The following JADE1 variants were observed in gnomAD, a reference collection of about 807,000 sequenced individuals.
The protein encoded by JADE1 is protein Jade-1.
Under a neutral mutation model 81.8 loss-of-function variants are expected in JADE1, and 14 were observed. That is an observed-to-expected ratio of 0.17 (90% CI 0.11 to 0.27). The LOEUF is 0.27. Among genes scored for constraint, JADE1 ranks in the 10% least tolerant of loss-of-function variants. JADE1 has a pLI of 1.00. For missense variants in JADE1, 690 were observed against 1,047.9 expected (o/e 0.66, Z 4.71); for synonymous variants, 353 against 391.9 (o/e 0.90, Z 1.17).
chr4:128,846,158 G>A lies in JADE1; in HGVS notation c.139-217G>A, dbSNP rs942079269. On this transcript the variant is annotated intron_variant, in intron 3 of 10. Coordinates refer to ENST00000226319, the MANE Select transcript of JADE1 (RefSeq NM_199320.4). The surrounding 1 kb of genome is among the most constrained non-coding windows in gnomAD (Gnocchi z 4.0). ...GTTGTTGTGGACACTATGGACTGAG[G>A]GAGTGAGAGGGCAGTGTTCCCTCAG... Among the ~76,000 whole-genome samples the A allele has an allele frequency of 1.2e-4, 19 of 152,044 alleles. No individual in the cohort carries two copies. The highest frequency in any genetic ancestry group is 2.8e-4 in the Non-Finnish European group (19 of 68,002).
chr4:128,822,826 A>G (rs1727708569), intron 1 of JADE1, among the ~76,000 whole-genome samples: 1 of 152,238 alleles, frequency 6.6e-6, no homozygotes, highest in Admixed American at 6.5e-5. Flanking sequence ...AGAGATGACC[A>G]CTATGAACAT....
chr4:128,818,166 G>C (rs1727215081), intron 1 of JADE1, among the ~76,000 whole-genome samples: 1 of 151,884 alleles, frequency 6.6e-6, no homozygotes, highest in Non-Finnish European at 1.5e-5. Context: ...TGTTATGCAG[G>C]ATGGAGTGCA....
At position 128,871,814 on chromosome 4, in the gene JADE1, A is replaced by G; in HGVS notation, c.2081A>G (p.His694Arg). 1 of 1,614,176 alleles carries G rather than the reference A, an allele frequency of 6.2e-7. No individual in the cohort carries two copies. Among genetic ancestry groups the G allele is most frequent in the Non-Finnish European group, 8.5e-7 (1 of 1,180,004 alleles). ...AGGTCCACAGATGTGTCCCAGAGGC[A>G]TCTGGACAACACAAGAGCTGCCACC... is the stretch of plus-strand genomic sequence containing the variant. ...PLRSTDVSQR[H>R]LDNTRAATSP... Residue 694 changes from histidine (H) to arginine (R), a missense_variant, in exon 11 of 11, where the codon CAT (histidine) becomes CGT (arginine). Physicochemically the swap from His to Arg is conservative, Grantham distance 29 (BLOSUM62 0). Coordinates refer to ENST00000226319, the MANE Select transcript of JADE1 (RefSeq NM_199320.4). This position sits in a 1 kb window ranked among gnomAD's most constrained non-coding sequence, Gnocchi z 4.1.
intron 1 of JADE1, among the ~76,000 whole-genome samples, chr4:128,814,638 T>G (rs1389281623): frequency 6.7e-6 from 1 of 150,322 alleles, no homozygotes; most frequent in Non-Finnish European, 1.5e-5. Context: ...GGGATCTCAC[T>G]GCAACCTATG....
chr4:128,865,198 A>G (rs144450322), intron 9 of JADE1, among the ~76,000 whole-genome samples: 118 of 152,286 alleles, frequency 7.7e-4, no homozygotes, highest in African/African-American at 2.5e-3. Flanking sequence ...TAGTGCTGCA[A>G]ACAGTTTTGG....
intron 1 of JADE1, among the ~76,000 whole-genome samples, chr4:128,814,285 T>G (rs571609770): frequency 1.3e-5 from 2 of 152,248 alleles, no homozygotes; most frequent in East Asian, 3.9e-4. Context: ...AAAACAAACT[T>G]GGAGGACTAG....
chr4:128,812,281 T>C (rs1726506356), intron 1 of JADE1, among the ~76,000 whole-genome samples: 2 of 151,368 alleles, frequency 1.3e-5, no homozygotes, highest in Non-Finnish European at 3.0e-5. Flanking sequence ...TCCCGCGCTG[T>C]TGTTTCTGTC....
At chr4:128,814,950 C>G (rs1281347348) in intron 1 of JADE1, among the ~76,000 whole-genome samples, 1 of 152,074 alleles carries the variant, frequency 6.6e-6, no homozygotes, top group East Asian at 1.9e-4. Flanking sequence ...CCCATTTAGC[C>G]CCAGACTGTA....
intron 2 of JADE1, among the ~76,000 whole-genome samples, chr4:128,834,927 C>T (rs964298396): frequency 2.0e-5 from 3 of 151,780 alleles, no homozygotes; most frequent in Non-Finnish European, 2.9e-5. Context: ...GGGAGGATTG[C>T]TTGAGCCCAG....
intron 8 of JADE1, among the ~76,000 whole-genome samples, chr4:128,857,763 A>G (rs1205806347): frequency 6.6e-6 from 1 of 152,108 alleles, no homozygotes; most frequent in South Asian, 2.1e-4. Flanking sequence ...ACTTCTTTCC[A>G]TAGGCCAACA....
intron 1 of JADE1, among the ~76,000 whole-genome samples, chr4:128,821,129 A>G (rs1204159873): frequency 2.0e-5 from 3 of 152,256 alleles, no homozygotes; most frequent in African/African-American, 7.2e-5. Flanking sequence ...CCCCCAAGGC[A>G]GAATGGAACA....
chr4:128,850,690 GC>G (rs912692919), intron 5 of JADE1, among the ~76,000 whole-genome samples: 1 of 152,182 alleles, frequency 6.6e-6, no homozygotes, highest in African/African-American at 2.4e-5. Flanking sequence ...TACAGTTTCT[GC>G]TGTGTTGTAA....
At chr4:128,834,298 C>T (rs1465702982) in intron 2 of JADE1, among the ~76,000 whole-genome samples, 1 of 152,192 alleles carries the variant, frequency 6.6e-6, no homozygotes, top group African/African-American at 2.4e-5. Flanking sequence ...TGGACTTCTT[C>T]TCACGTGTTC....
chr4:128,849,098 T>A lies in JADE1; in HGVS notation c.415T>A (p.Cys139Ser), dbSNP rs1322917310. Residue 139 changes from cysteine to serine, a missense_variant, in exon 5 of 11, where the codon TGT becomes AGT. Physicochemically the swap from Cys to Ser is moderately radical, Grantham distance 112. This residue lies in a region of JADE1 where 98 missense variants were observed against 161.3 expected (regional missense o/e 0.61). Transcript: ENST00000226319. ...CATCCGGACGCTGGCTGACAGCGTGTGTCGCTATGACCTCAATGACATGGA... is the reference window on the plus strand; with the variant it reads ...CATCCGGACGCTGGCTGACAGCGTGAGTCGCTATGACCTCAATGACATGGA... ...VDIRTLADSV[C>S]RYDLNDMDAA... 1 of 1,614,120 alleles carries A rather than the reference T, an allele frequency of 6.2e-7. No individual in the cohort carries two copies. Among genetic ancestry groups the A allele is most frequent in the South Asian group, 1.1e-5 (1 of 91,082 alleles).
At position 128,874,474 on chromosome 4, in the gene JADE1, A is replaced by G. The variant is rs1236897747; in HGVS notation, c.*2212A>G. On this transcript the variant is annotated 3_prime_UTR_variant, in exon 11 of 11. Coordinates refer to ENST00000226319, the MANE Select transcript of JADE1 (RefSeq NM_199320.4). Reference sequence around the variant, plus strand: ...CAAATGTTCCAAGTTATGCTGAACCAAAAAAAACAAAACAAAAACAAAACA... The same window carrying G: ...CAAATGTTCCAAGTTATGCTGAACCGAAAAAAACAAAACAAAAACAAAACA... The G allele has an allele frequency of 6.8e-6, 1 of 147,172 alleles. No individual in the cohort carries two copies. Among genetic ancestry groups the G allele is most frequent in the Non-Finnish European group, 1.5e-5 (1 of 67,598 alleles). 9.1% of individuals were successfully genotyped at this position (147,172 alleles called of 1,614,324 possible). A position where few individuals can be genotyped will look rare whatever the true frequency, so the allele number is the denominator to read the frequency against.
intron 2 of JADE1, 23 bp from the exon 3 acceptor site, chr4:128,842,930 T>C: frequency 6.2e-7 from 1 of 1,605,416 alleles, no homozygotes; most frequent in South Asian, 1.1e-5. Context: ...TAATGGTTCT[T>C]ATTTGGATAT....
chr4:128,847,295 T>C (rs1026717366), intron 4 of JADE1, among the ~76,000 whole-genome samples: 4 of 152,222 alleles, frequency 2.6e-5, no homozygotes, highest in African/African-American at 7.2e-5. Flanking sequence ...CTTTGCGAAA[T>C]AGTGTCTTTC....
rs1245513304 is a variant in JADE1, at chr4:128,845,230, AG to A, written c.139-1143del. ...CCCCAGGGGCAGGCCTCACTGACCAAGGATGAATGCCACAGGCCCAGGAGTC... is the reference window on the plus strand; with the variant it reads ...CCCCAGGGGCAGGCCTCACTGACCAAGATGAATGCCACAGGCCCAGGAGTC... On this transcript the variant is annotated intron_variant, in intron 3 of 10. Coordinates refer to ENST00000226319, the MANE Select transcript of JADE1 (RefSeq NM_199320.4). Among the ~76,000 whole-genome samples, 7 of 152,338 alleles carry A rather than the reference AG, an allele frequency of 4.6e-5. No homozygotes were observed. In the South Asian group the frequency reaches 1.4e-3, roughly 32 times the overall value.
intron 1 of JADE1, among the ~76,000 whole-genome samples, chr4:128,810,690 CAT>C (rs1489729721): frequency 1.6e-5 from 2 of 121,364 alleles, no homozygotes; most frequent in African/African-American, 6.4e-5. Context: ...CGCGTCACCA[CAT>C]GTCCAAAATA....
Sources: gnomAD v4.1 joint callset for allele counts (sites outside exome capture counted in the v4.1 genomes callset) on GRCh38, gnomAD v4.1.1 for gene constraint, gnomAD v4.1.1 regional missense constraint, Gnocchi (gnomAD v3.1) non-coding constraint, MANE v1.5 for transcripts, NCBI Gene and HGNC (gene_info 2026-07-23, HGNC 2026-07-21) for gene names.